Variants in CCDC40 observed in about 807,000 individuals in gnomAD.
The protein encoded by CCDC40 is coiled-coil domain-containing protein 40.
In CCDC40, 104 loss-of-function variants were observed where a neutral mutation model predicts 124.5. That is an observed-to-expected ratio of 0.84 (90% CI 0.71 to 0.98). The LOEUF is 0.98. CCDC40 is among the 50% of genes least tolerant of loss of function. The pLI is 0.00. For synonymous variants in CCDC40, 580 were observed against 602.9 expected (o/e 0.96, Z 0.56); for missense variants, 1,463 against 1,503.9 (o/e 0.97, Z 0.45).
At chr17:80,072,351 C>T (rs114626635) in intron 10 of CCDC40, among the ~76,000 whole-genome samples, 2,244 of 152,214 alleles carry the variant, frequency 0.015, 57 homozygotes, top group African/African-American at 0.052. Flanking sequence ...AAAATACCAT[C>T]GACTTTCTCT....
intron 7 of CCDC40, among the ~76,000 whole-genome samples, chr17:80,056,010 A>ATTTTTTTTTTTTTT (rs1326886577): frequency 1.0e-3 from 14 of 13,784 alleles, no homozygotes; most frequent in Non-Finnish European, 1.2e-3. Flanking sequence ...ATATATATAT[A>ATTTTTTTTTTTTTT]TATATATTTT....
chr17:80,044,244 A>T (rs2143592578), intron 3 of CCDC40, among the ~76,000 whole-genome samples: 1 of 151,856 alleles, frequency 6.6e-6, no homozygotes, highest in Admixed American at 6.6e-5. Context: ...CATCCCTCCT[A>T]CTCCCCTACC....
At chr17:80,037,951 G>A (rs912337118) in intron 1 of CCDC40, 172 bp from the exon 2 acceptor site, 1 of 596,992 alleles carries the variant, frequency 1.7e-6, no homozygotes, top group Non-Finnish European at 3.1e-6. Flanking sequence ...CCACCTGACA[G>A]GCATGATATA....
rs2037806987 is a variant in CCDC40 at position 80,058,456 on chromosome 17, TCA to T, written c.1160-36_1160-35del. 6.2e-7 allele frequency: 1 copy of T among 1,602,908 alleles called. No homozygotes were observed. Among genetic ancestry groups the T allele is most frequent in the Non-Finnish European group, 8.5e-7 (1 of 1,172,432 alleles). ...GGGGACGCTGGGACAGCCTCCCCAC[TCA>T]CTCTCTCTCTCTTTCTCCCCCGCCG... is the stretch of plus-strand genomic sequence containing the variant. On this transcript the variant is annotated intron_variant, in intron 7 of 19. Coordinates refer to ENST00000397545, the MANE Select transcript of CCDC40 (RefSeq NM_017950.4). The surrounding 1 kb of genome is among the most constrained non-coding windows in gnomAD (Gnocchi z 4.2).
Position 80,058,033 on chromosome 17 carries a change from C to A in CCDC40, c.1160-461C>A, listed in dbSNP as rs796306612. On this transcript the variant is annotated intron_variant, in intron 7 of 19. Transcript: ENST00000397545. The surrounding 1 kb of genome is among the most constrained non-coding windows in gnomAD (Gnocchi z 4.2). Reference sequence around the variant, plus strand: ...CTAGCCTCGTCCTCTCTGGCCTGCACTGCTGTGCAGCGGTGTCAGTGCAGG... The same window carrying A: ...CTAGCCTCGTCCTCTCTGGCCTGCAATGCTGTGCAGCGGTGTCAGTGCAGG... Among the ~76,000 whole-genome samples the A allele has an allele frequency of 6.6e-6, 1 of 152,214 alleles. No individual in the cohort carries two copies. The highest frequency in any genetic ancestry group is 1.5e-5 in the Non-Finnish European group (1 of 68,034).
intron 10 of CCDC40, among the ~76,000 whole-genome samples, chr17:80,073,985 C>T (rs979422527): frequency 6.6e-6 from 1 of 152,034 alleles, no homozygotes; most frequent in African/African-American, 2.4e-5. Context: ...CGCTCCTGGC[C>T]GCCTCTCACT....
Position 80,041,279 on chromosome 17 carries a change from G to A in CCDC40, c.552+1009G>A, listed in dbSNP as rs566661252. 4.6e-5 allele frequency among the ~76,000 whole-genome samples: 7 copies of A among 151,756 alleles called. No individual in the cohort carries two copies. The East Asian group carries it at 5.8e-4, about 13-fold the overall frequency. On this transcript the variant is annotated intron_variant, in intron 3 of 19. Transcript: ENST00000397545. ...TCCCAGCACTTCGGGAGGCCAAGGCGGGTGGATCACTTGAGGCCAGGAGTT... is the reference window on the plus strand; with the variant it reads ...TCCCAGCACTTCGGGAGGCCAAGGCAGGTGGATCACTTGAGGCCAGGAGTT...
chr17:80,086,504 C>T lies in CCDC40; in HGVS notation c.2449+288C>T, dbSNP rs951661496. The T allele has an allele frequency of 1.2e-5, 5 of 401,960 alleles. No individual in the cohort carries two copies. The highest frequency in any genetic ancestry group is 7.5e-5 in the Admixed American group (2 of 26,762). 24.9% of individuals were successfully genotyped at this position (401,960 alleles called of 1,614,324 possible). A position where few individuals can be genotyped will look rare whatever the true frequency, so the allele number is the denominator to read the frequency against. On this transcript the variant is annotated intron_variant, in intron 14 of 19. Transcript: ENST00000397545. The surrounding 1 kb of genome is among the most constrained non-coding windows in gnomAD (Gnocchi z 5.5). The stretch of plus-strand genomic sequence containing the variant: ...GAGGAGCATGGAAGGTTATCATCCC[C>T]GCCAAGCCAGGGCACTCAGGTGGAA...
chr17:80,037,688 A>AAAAAAAATATATATATAT, intron 1 of CCDC40, among the ~76,000 whole-genome samples: 21 of 45,696 alleles, frequency 4.6e-4, no homozygotes, highest in African/African-American at 1.1e-3. Flanking sequence ...TTTTTTAAAA[A>AAAAAAAATATATATATAT]AGATATACAT....
intron 7 of CCDC40, 86 bp downstream of exon 7, chr17:80,050,369 A>G (rs572416837): frequency 9.1e-7 from 1 of 1,102,584 alleles, no homozygotes; most frequent in African/African-American, 1.6e-5. Flanking sequence ...AGGCATCTAG[A>G]AAAGTAAGAT....
At chr17:80,056,806 G>A (rs1018917066) in intron 7 of CCDC40, among the ~76,000 whole-genome samples, 9 of 151,844 alleles carry the variant, frequency 5.9e-5, no homozygotes, top group Admixed American at 2.6e-4. Flanking sequence ...TTGGGAGGCC[G>A]AGGCAAGCGG....
At chr17:80,074,597 T>A (rs1487136561) in intron 10 of CCDC40, among the ~76,000 whole-genome samples, 1 of 152,024 alleles carries the variant, frequency 6.6e-6, no homozygotes, top group Non-Finnish European at 1.5e-5. Flanking sequence ...CTGGGCAACA[T>A]AGCAAGAGCC....
intron 7 of CCDC40, among the ~76,000 whole-genome samples, chr17:80,056,533 G>A (rs577804273): frequency 6.6e-6 from 1 of 152,196 alleles, no homozygotes; most frequent in South Asian, 2.1e-4. Context: ...GGGCTGAGGT[G>A]AACCCAGGAG....
At chr17:80,056,810 C>CA (rs1304350405) in intron 7 of CCDC40, among the ~76,000 whole-genome samples, 5 of 151,730 alleles carry the variant, frequency 3.3e-5, no homozygotes, top group African/African-American at 1.2e-4. Flanking sequence ...GAGGCCGAGG[C>CA]AAGCGGATCA....
intron 17 of CCDC40, among the ~76,000 whole-genome samples, chr17:80,095,004 T>C (rs1197344486): frequency 6.6e-6 from 1 of 152,236 alleles, no homozygotes; most frequent in Non-Finnish European, 1.5e-5. Context: ...CTTAGTTGCT[T>C]TTAGTTCTCA....
rs2037449543 is a variant in CCDC40, at chr17:80,047,313, T to C, written c.587T>C (p.Leu196Pro). ...ACAGAGGAGCCCCAGGGGCAGGTGC[T>C]CCCAATGGGCGTCCAGCACCGCTTC... Reference protein sequence around the residue: ...GSTEEPQGQVLPMGVQHRFRL... With the variant: ...GSTEEPQGQVPPMGVQHRFRL... Residue 196 changes from leucine to proline, a missense_variant, in exon 4 of 20, where the codon CTC (leucine) becomes CCC (proline). By Grantham distance (98) the Leu-to-Pro change is moderately conservative. Coordinates refer to ENST00000397545, the MANE Select transcript of CCDC40 (RefSeq NM_017950.4). The C allele has an allele frequency of 6.2e-7, 1 of 1,613,942 alleles. No homozygotes were observed. Among genetic ancestry groups the C allele is most frequent in the Non-Finnish European group, 8.5e-7 (1 of 1,179,892 alleles).
rs376842482 is a variant in CCDC40, at chr17:80,039,992, G to A, written c.274G>A (p.Glu92Lys). 6.4e-5 allele frequency: 104 copies of A among 1,614,038 alleles called. No homozygotes were observed. In the Middle Eastern group the frequency reaches 6.6e-4, roughly 10 times the overall value. The change falls in exon 3 of 20, where the codon GAA becomes AAA. Residue 92 changes from glutamate to lysine, a missense_variant. Physicochemically the swap from Glu to Lys is moderately conservative, Grantham distance 56. Coordinates refer to ENST00000397545, the MANE Select transcript of CCDC40 (RefSeq NM_017950.4). ...TGTGTCCTATGGAGATGCTGAAAGC[G>A]AAGAGGAATATTACTATACAGAAAC... ...EAVSYGDAES[E>K]EEYYYTETSS...
rs57153705 is a variant in CCDC40, at chr17:80,086,403, T to A, written c.2449+187T>A. 3 of 611,156 alleles carry A rather than the reference T, an allele frequency of 4.9e-6. No individual in the cohort carries two copies. Among genetic ancestry groups the A allele is most frequent in the Non-Finnish European group, 5.9e-6 (2 of 340,780 alleles). 37.9% of individuals were successfully genotyped at this position (611,156 alleles called of 1,614,324 possible). On this transcript the variant is annotated intron_variant, in intron 14 of 19. Coordinates refer to ENST00000397545, the MANE Select transcript of CCDC40 (RefSeq NM_017950.4). The surrounding 1 kb of genome is among the most constrained non-coding windows in gnomAD (Gnocchi z 5.5). Reference sequence around the variant, plus strand: ...ACCACTGCCTGCCCAGCTGCCCAGTTCGCAGTCACAGCGGGAGGGTTGAGA... The same window carrying A: ...ACCACTGCCTGCCCAGCTGCCCAGTACGCAGTCACAGCGGGAGGGTTGAGA...
At chr17:80,065,262 A>T (rs1180731136) in intron 9 of CCDC40, among the ~76,000 whole-genome samples, 1 of 121,930 alleles carries the variant, frequency 8.2e-6, no homozygotes, top group East Asian at 2.4e-4. Context: ...ATTCCCAAGC[A>T]CTGAGCACCG....
Sources: gnomAD v4.1 joint callset for allele counts (sites outside exome capture counted in the v4.1 genomes callset) on GRCh38, gnomAD v4.1.1 for gene constraint, Gnocchi (gnomAD v3.1) non-coding constraint, MANE v1.5 for transcripts, NCBI Gene and HGNC (gene_info 2026-07-23, HGNC 2026-07-21) for gene names.